Variants in SPEG observed in about 807,000 individuals in gnomAD.
SPEG encodes striated muscle enriched protein kinase.
Under a neutral mutation model 300.4 loss-of-function variants are expected in SPEG, and 114 were observed. The ratio of observed to expected loss-of-function variants is 0.38; its 90% confidence interval spans 0.33 to 0.44. The LOEUF (loss-of-function observed/expected upper bound fraction) is 0.44. SPEG is among the 20% of genes least tolerant of loss of function. The pLI, the probability that SPEG is intolerant of heterozygous loss-of-function variation, is 1.00. For synonymous variants in SPEG, 1,964 were observed against 2,018.9 expected, an observed-to-expected ratio of 0.97 and a Z score of 0.73; for missense variants, 4,201 against 4,586.2, an observed-to-expected ratio of 0.92 and a Z score of 2.43.
chr2:219,444,540 G>A lies in SPEG; in HGVS notation c.389-113G>A. 1.1e-6 allele frequency: 1 copy of A among 871,880 alleles called. No individual in the cohort carries two copies. Among genetic ancestry groups the A allele is most frequent in the Non-Finnish European group, 1.9e-6 (1 of 534,620 alleles). 54.0% of individuals were successfully genotyped at this position (871,880 alleles called of 1,614,324 possible). ...GAGCAAAAGAGAGGAGGTGCTGGCA[G>A]CCCTGCCAGTGATAAGATGGAGCCT... On this transcript the variant is annotated intron_variant, in intron 1 of 40. Coordinates refer to ENST00000312358, the MANE Select transcript of SPEG (RefSeq NM_005876.5). The surrounding 1 kb of genome is among the most constrained non-coding windows in gnomAD (Gnocchi z 7.8).
chr2:219,438,136 G>A (rs1022953626), intron 1 of SPEG, among the ~76,000 whole-genome samples: 3 of 152,062 alleles, frequency 2.0e-5, no homozygotes, highest in African/African-American at 4.8e-5. Context: ...TGGGGGTGGT[G>A]GTGCTGAGAT....
chr2:219,489,015 G>C (rs759471128), intron 34 of SPEG, 39 bp from the exon 35 acceptor site: 1 of 1,609,884 alleles, frequency 6.2e-7, no homozygotes, highest in South Asian at 1.1e-5. Context: ...TGGGGCCACC[G>C]CTTCTGTGAC....
rs1192712441 is a variant in SPEG, at chr2:219,479,773, A to G, written c.5086-10A>G. ...TTCCCCCTCAGACTCTGGGCCCACTATTTCCACAGATCCGGGCCTATATGC... is the reference window on the plus strand; with the variant it reads ...TTCCCCCTCAGACTCTGGGCCCACTGTTTCCACAGATCCGGGCCTATATGC... On this transcript the variant is annotated splice_polypyrimidine_tract_variant and intron_variant, in intron 23 of 40. Transcript: ENST00000312358. This position sits in a 1 kb window ranked among gnomAD's most constrained non-coding sequence, Gnocchi z 5.5. 3 of 1,613,262 alleles carry G rather than the reference A, an allele frequency of 1.9e-6. No homozygotes were observed. Among genetic ancestry groups the G allele is most frequent in the East Asian group, 2.2e-5 (1 of 44,876 alleles).
At position 219,449,260 on chromosome 2, in the gene SPEG, C is replaced by T; in HGVS notation, c.2102C>T (p.Ser701Phe). The T allele has an allele frequency of 7.2e-7, 1 of 1,387,726 alleles. No individual in the cohort carries two copies. The highest frequency in any genetic ancestry group is 9.3e-7 in the Non-Finnish European group (1 of 1,072,040). 86.0% of individuals were successfully genotyped at this position (1,387,726 alleles called of 1,614,324 possible). Residue 701 changes from serine (S) to phenylalanine (F), a missense_variant, in exon 4 of 41, where the codon TCC (serine) becomes TTC (phenylalanine). Transcript: ENST00000312358. ...AAAGGTCGCCGGGCCCGGCCCACCT[C>T]CCCTGAGCTCGGTAAGGCCTCAGGG... is the stretch of plus-strand genomic sequence containing the variant. ...QGKGRRARPTSPELESSDDSY... is the reference protein window; with the variant it reads ...QGKGRRARPTFPELESSDDSY...
In SPEG at chr2:219,483,669, C is replaced by T; in HGVS notation, c.6206C>T (p.Ala2069Val). 6.5e-7 allele frequency: 1 copy of T among 1,534,084 alleles called. No homozygotes were observed. Among genetic ancestry groups the T allele is most frequent in the Non-Finnish European group, 8.7e-7 (1 of 1,146,882 alleles). ...GGCGAGTATGCCCAGAGGCTGCAGGCCCTGCGCCAGCGGCTGCTGCGGGGA... is the reference window on the plus strand; with the variant it reads ...GGCGAGTATGCCCAGAGGCTGCAGGTCCTGCGCCAGCGGCTGCTGCGGGGA... ...GEGEYAQRLQ[A>V]LRQRLLRGGP... Residue 2069 changes from alanine (A) to valine (V), a missense_variant, in exon 30 of 41, where the codon GCC (alanine) becomes GTC (valine). Physicochemically the swap from Ala to Val is moderately conservative, Grantham distance 64 (BLOSUM62 0). Around this residue, in one of 4 missense-constraint regions of SPEG, gnomAD observed 1,578 missense variants for 1,506.0 expected, o/e 1.05. Coordinates refer to ENST00000312358, the MANE Select transcript of SPEG (RefSeq NM_005876.5).
chr2:219,444,917 G>T lies in SPEG; in HGVS notation c.571G>T (p.Gly191Trp), dbSNP rs1294705057. The T allele has an allele frequency of 1.3e-5, 20 of 1,577,504 alleles. No homozygotes were observed. Among genetic ancestry groups the T allele is most frequent in the Non-Finnish European group, 1.6e-5 (19 of 1,161,884 alleles). ...SEEQVSWWGSGQTVLEQEAGS... is the reference protein window; with the variant it reads ...SEEQVSWWGSWQTVLEQEAGS... ...GGAGCAAGTGAGCTGGTGGGGCAGC[G>T]GGCAGACGGTCCTGGAGCAGGAAGC... is the stretch of plus-strand genomic sequence containing the variant. Residue 191 changes from glycine (G) to tryptophan (W), a missense_variant, in exon 3 of 41, where the codon GGG becomes TGG. Coordinates refer to ENST00000312358, the MANE Select transcript of SPEG (RefSeq NM_005876.5). This position sits in a 1 kb window ranked among gnomAD's most constrained non-coding sequence, Gnocchi z 7.8.
intron 18 of SPEG, among the ~76,000 whole-genome samples, chr2:219,476,264 A>T (rs563848088): frequency 3.3e-5 from 5 of 152,140 alleles, no homozygotes; most frequent in Admixed American, 3.3e-4. Flanking sequence ...CATCTCCCAG[A>T]TGCTATTAAT....
At chr2:219,453,734 G>A (rs557517876) in intron 6 of SPEG, among the ~76,000 whole-genome samples, 3 of 152,364 alleles carry the variant, frequency 2.0e-5, no homozygotes, top group African/African-American at 7.2e-5. Context: ...CCAGGGCCTG[G>A]GGGGCAGGCA....
In SPEG at chr2:219,473,413, C is replaced by T. The variant is rs1692064831; in HGVS notation, c.4148-91C>T. On this transcript the variant is annotated intron_variant, in intron 16 of 40. Coordinates refer to ENST00000312358, the MANE Select transcript of SPEG (RefSeq NM_005876.5). This position sits in a 1 kb window ranked among gnomAD's most constrained non-coding sequence, Gnocchi z 4.6. ...AGCTTTCCCATCTGTAAAAACGGAA[C>T]TCAAGTGTTGATGAGGGGTGTTAGA... 3.1e-6 allele frequency: 4 copies of T among 1,287,930 alleles called. No individual in the cohort carries two copies. The South Asian group carries it at 5.0e-5, about 16-fold the overall frequency. 79.8% of individuals were successfully genotyped at this position (1,287,930 alleles called of 1,614,324 possible).
At position 219,481,897 on chromosome 2, in the gene SPEG, T is replaced by A. The variant is rs909920681; in HGVS notation, c.5565+217T>A. On this transcript the variant is annotated intron_variant, in intron 28 of 40. Transcript: ENST00000312358. The surrounding 1 kb of genome is among the most constrained non-coding windows in gnomAD (Gnocchi z 5.4). ...CTCTAATCAGTGATGGAGTTGGGGG[T>A]ATACATACTGGACTCCAGGGCATAC... Among the ~76,000 whole-genome samples the A allele has an allele frequency of 4.6e-5, 7 of 152,204 alleles. No homozygotes were observed. Among genetic ancestry groups the A allele is most frequent in the Admixed American group, 4.6e-4 (7 of 15,282 alleles).
At chr2:219,486,473 G>A (rs574870766) in intron 31 of SPEG, among the ~76,000 whole-genome samples, 2 of 152,298 alleles carry the variant, frequency 1.3e-5, no homozygotes, top group East Asian at 3.9e-4. Flanking sequence ...GGCAAAGGGG[G>A]CTGCAGTGAG....
chr2:219,445,417 T>C lies in SPEG; in HGVS notation c.815+256T>C. On this transcript the variant is annotated intron_variant, in intron 3 of 40. Transcript: ENST00000312358. This position sits in a 1 kb window ranked among gnomAD's most constrained non-coding sequence, Gnocchi z 6.1. ...TGGTCTCCTGGACCCTGCTGTCCCTTCCTTGTCTCCTCCAAGATCTCCAGT... is the reference window on the plus strand; with the variant it reads ...TGGTCTCCTGGACCCTGCTGTCCCTCCCTTGTCTCCTCCAAGATCTCCAGT... The C allele has an allele frequency of 1.9e-6, 1 of 527,794 alleles. No homozygotes were observed. Among genetic ancestry groups the C allele is most frequent in the Non-Finnish European group, 3.4e-6 (1 of 297,186 alleles). 32.7% of individuals were successfully genotyped at this position (527,794 alleles called of 1,614,324 possible). A position where few individuals can be genotyped will look rare whatever the true frequency, so the allele number is the denominator to read the frequency against.
chr2:219,453,423 T>G (rs997559471), intron 6 of SPEG, among the ~76,000 whole-genome samples: 10 of 152,244 alleles, frequency 6.6e-5, no homozygotes, highest in Non-Finnish European at 1.2e-4. Flanking sequence ...ATGTTAGTTG[T>G]TAGCGTTATT....
At chr2:219,482,381 C>G in intron 28 of SPEG, 1 of 195,032 alleles carries the variant, frequency 5.1e-6, no homozygotes, top group Admixed American at 5.2e-5. Flanking sequence ...TCTGGACCAC[C>G]AAGGCTCCAG....
At chr2:219,476,270 T>C (rs1378179227) in intron 18 of SPEG, among the ~76,000 whole-genome samples, 1 of 152,194 alleles carries the variant, frequency 6.6e-6, no homozygotes. Context: ...CCAGATGCTA[T>C]TAATAGAAGC....
chr2:219,461,446 A>G lies in SPEG; in HGVS notation c.2441-436A>G, dbSNP rs921760481. Reference sequence around the variant, plus strand: ...CCTCTGCACCAGGCCCAGCTCACCCAAGAAATGGGCGTCCTAGCCATGCTG... The same window carrying G: ...CCTCTGCACCAGGCCCAGCTCACCCGAGAAATGGGCGTCCTAGCCATGCTG... On this transcript the variant is annotated intron_variant, in intron 6 of 40. Coordinates refer to ENST00000312358, the MANE Select transcript of SPEG (RefSeq NM_005876.5). 10 of 1,031,454 alleles carry G rather than the reference A, an allele frequency of 9.7e-6. No individual in the cohort carries two copies. The African/African-American group carries it at 1.7e-4, about 18-fold the overall frequency. 63.9% of individuals were successfully genotyped at this position (1,031,454 alleles called of 1,614,324 possible). A position where few individuals can be genotyped will look rare whatever the true frequency, so the allele number is the denominator to read the frequency against.
chr2:219,462,302 C>T lies in SPEG; in HGVS notation c.2621C>T (p.Ser874Leu), dbSNP rs2125404930. The T allele has an allele frequency of 3.8e-6, 6 of 1,563,106 alleles. No homozygotes were observed. The highest frequency in any genetic ancestry group is 1.2e-5 in the South Asian group (1 of 84,932). The change falls in exon 8 of 41, where the codon TCA (serine) becomes TTA (leucine). Residue 874 changes from serine (S) to leucine (L), a missense_variant. Ser to Leu is a moderately radical substitution (Grantham distance 145). Coordinates refer to ENST00000312358, the MANE Select transcript of SPEG (RefSeq NM_005876.5). Reference protein sequence around the residue: ...GSKAPPTFKVSLMDQSVREGQ... With the variant: ...GSKAPPTFKVLLMDQSVREGQ... The stretch of plus-strand genomic sequence containing the variant: ...ACTTTGGGGTACCCCCTTCAGGTCT[C>T]ACTTATGGACCAGTCAGTAAGAGAA...
At chr2:219,485,819 G>T (rs1429077320) in intron 31 of SPEG, among the ~76,000 whole-genome samples, 1 of 152,210 alleles carries the variant, frequency 6.6e-6, no homozygotes, top group Non-Finnish European at 1.5e-5. Flanking sequence ...TGGACTGTGT[G>T]ACCTTCTGCA....
At position 219,473,408 on chromosome 2, in the gene SPEG, C is replaced by T. The variant is rs906909513; in HGVS notation, c.4148-96C>T. 2.7e-5 allele frequency: 33 copies of T among 1,228,014 alleles called. No homozygotes were observed. The highest frequency in any genetic ancestry group is 3.5e-5 in the Non-Finnish European group (30 of 852,042). 76.1% of individuals were successfully genotyped at this position (1,228,014 alleles called of 1,614,324 possible). ...GCTTCAGCTTTCCCATCTGTAAAAA[C>T]GGAACTCAAGTGTTGATGAGGGGTG... On this transcript the variant is annotated intron_variant, in intron 16 of 40. Coordinates refer to ENST00000312358, the MANE Select transcript of SPEG (RefSeq NM_005876.5). This position sits in a 1 kb window ranked among gnomAD's most constrained non-coding sequence, Gnocchi z 4.6.
Sources: gnomAD v4.1 joint callset for allele counts (sites outside exome capture counted in the v4.1 genomes callset) on GRCh38, gnomAD v4.1.1 for gene constraint, gnomAD v4.1.1 regional missense constraint, Gnocchi (gnomAD v3.1) non-coding constraint, MANE v1.5 for transcripts, NCBI Gene and HGNC (gene_info 2026-07-23, HGNC 2026-07-21) for gene names.